The following LAMB1 variants were observed in gnomAD, a reference collection of about 807,000 sequenced individuals.
LAMB1 encodes the protein laminin subunit beta-1.
Under a neutral mutation model 222.3 loss-of-function variants are expected in LAMB1, and 121 were observed. The observed-to-expected ratio is 0.54, with a 90% CI of 0.47 to 0.63. The LOEUF (loss-of-function observed/expected upper bound fraction) is 0.63, where lower values mean the gene tolerates loss of function less well. Ranked by LOEUF, LAMB1 falls within the 30% of genes least tolerant of loss-of-function variation. The pLI, the probability that LAMB1 is intolerant of heterozygous loss-of-function variation, is 0.00. For synonymous variants in LAMB1, 794 were observed against 807.2 expected (o/e 0.98, Z 0.28); for missense variants, 2,172 against 2,240.8 (o/e 0.97, Z 0.62).
At chr7:107,961,751 A>G in intron 15 of LAMB1, 75 bp from the exon 16 acceptor site, 1 of 1,475,504 alleles carries the variant, frequency 6.8e-7, no homozygotes, top group South Asian at 1.2e-5. Context: ...CTCTGAATCA[A>G]TCAATTGCCA....
At chr7:108,002,337 T>A (rs2034407349) in intron 2 of LAMB1, 1 of 1,313,126 alleles carries the variant, frequency 7.6e-7, no homozygotes, top group Non-Finnish European at 1.0e-6. Context: ...GGCTCTGGAG[T>A]GGTTTCAAGG....
At chr7:107,992,005 T>C (rs2034193628) in intron 5 of LAMB1, among the ~76,000 whole-genome samples, 1 of 152,088 alleles carries the variant, frequency 6.6e-6, no homozygotes, top group Non-Finnish European at 1.5e-5. Context: ...GTCAATGTCC[T>C]TTGCATCTAA....
chr7:107,989,916 G>A (rs576596789), intron 5 of LAMB1, among the ~76,000 whole-genome samples: 4 of 152,240 alleles, frequency 2.6e-5, no homozygotes, highest in African/African-American at 7.2e-5. Context: ...TTTACCTAAC[G>A]AATAGAATCC....
chr7:107,934,033 G>A (rs935942863), intron 27 of LAMB1, among the ~76,000 whole-genome samples: 7 of 152,144 alleles, frequency 4.6e-5, no homozygotes, highest in African/African-American at 1.7e-4. Flanking sequence ...CAATGCTGAA[G>A]GGAAAGATGG....
At position 107,929,458 on chromosome 7, in the gene LAMB1, C is replaced by CAGCA; in HGVS notation, c.4695_4698dup (p.Asp1567CysfsTer2). 1 of 1,614,170 alleles carries CAGCA rather than the reference C, an allele frequency of 6.2e-7. No homozygotes were observed. The highest frequency in any genetic ancestry group is 8.5e-7 in the Non-Finnish European group (1 of 1,180,022). On this transcript the variant is annotated frameshift_variant, in exon 30 of 34. Transcript: ENST00000222399. LOFTEE classifies it high-confidence loss of function. ...AACAACATCTCAGCTCTGGCAATGT[C>CAGCA]AGCAGCACTATGCTGAAGAATAACC...
intron 5 of LAMB1, among the ~76,000 whole-genome samples, chr7:107,993,321 C>A (rs1049685498): frequency 2.0e-5 from 3 of 151,702 alleles, no homozygotes; most frequent in Admixed American, 6.6e-5. Context: ...TTCAGTAGAG[C>A]CGGGGTTTCA....
intron 14 of LAMB1, among the ~76,000 whole-genome samples, 178 bp from the exon 15 acceptor site, chr7:107,963,241 A>G (rs1468467839): frequency 2.6e-4 from 39 of 152,210 alleles, no homozygotes; most frequent in Admixed American, 2.6e-3. Context: ...CAAACAGGAA[A>G]CTGGTTTCTT....
At chr7:107,937,400 T>C (rs2032873552) in intron 25 of LAMB1, 123 bp from the exon 26 acceptor site, 1 of 719,746 alleles carries the variant, frequency 1.4e-6, no homozygotes, top group South Asian at 1.9e-5. Flanking sequence ...ATTTGTAACA[T>C]TTCATCCCTA....
chr7:107,929,879 A>G (rs1185521546), intron 29 of LAMB1: 2 of 517,572 alleles, frequency 3.9e-6, no homozygotes, highest in Non-Finnish European at 3.5e-6. Context: ...TTCGTGGAAG[A>G]TGAGGAGCTG....
At chr7:107,950,417 C>G (rs2116390063) in intron 24 of LAMB1, among the ~76,000 whole-genome samples, 1 of 152,202 alleles carries the variant, frequency 6.6e-6, no homozygotes, top group Middle Eastern at 3.4e-3. Flanking sequence ...CAGTCTTTTC[C>G]ATATTTTGAC....
chr7:108,002,266 C>T, intron 2 of LAMB1: 1 of 1,310,242 alleles, frequency 7.6e-7, no homozygotes, highest in Non-Finnish European at 1.0e-6. Context: ...GGGGACGAGG[C>T]GCCGGGGCTC....
At chr7:107,996,060 T>C (rs1354818858) in intron 4 of LAMB1, among the ~76,000 whole-genome samples, 1 of 152,178 alleles carries the variant, frequency 6.6e-6, no homozygotes, top group Admixed American at 6.5e-5. Flanking sequence ...AAAAGAACCA[T>C]ATTACAGAAC....
At chr7:107,953,837 GA>G in intron 21 of LAMB1, 83 bp from the exon 22 acceptor site, 1 of 1,204,250 alleles carries the variant, frequency 8.3e-7, no homozygotes, top group Non-Finnish European at 1.2e-6. Context: ...TGCCTAGAGA[GA>G]GCTGATCGTG....
At chr7:107,935,163 T>C (rs1296832622) in intron 27 of LAMB1, among the ~76,000 whole-genome samples, 4 of 151,806 alleles carry the variant, frequency 2.6e-5, no homozygotes, top group Admixed American at 6.6e-5. Flanking sequence ...GATTCATTCT[T>C]TAGTTGAGGA....
intron 7 of LAMB1, among the ~76,000 whole-genome samples, chr7:107,983,718 A>G (rs899715308): frequency 3.9e-5 from 6 of 151,938 alleles, no homozygotes; most frequent in Non-Finnish European, 7.4e-5. Context: ...GGGTTTCACC[A>G]TGTTGGTCAG....
At chr7:107,959,855 G>T in intron 18 of LAMB1, 21 bp from the exon 19 acceptor site, 1 of 1,608,200 alleles carries the variant, frequency 6.2e-7, no homozygotes, top group South Asian at 1.1e-5. Flanking sequence ...AGAGAGGCCA[G>T]AACCCATGAC....
At chr7:107,977,989 T>A (rs751452503) in intron 9 of LAMB1, 58 bp downstream of exon 9, 34 of 1,599,766 alleles carry the variant, frequency 2.1e-5, no homozygotes, top group South Asian at 7.7e-5. Context: ...TACCTCTAAT[T>A]AGGAAATGGA....
rs1466650422 is a variant in LAMB1, at chr7:107,935,579, G to T, written c.4024C>A (p.Pro1342Thr). 3.1e-6 allele frequency: 5 copies of T among 1,613,866 alleles called. No homozygotes were observed. The highest frequency in any genetic ancestry group is 4.2e-6 in the Non-Finnish European group (5 of 1,179,984). The part of the protein sequence containing the change: ...EERVNASTTE[P>T]NSTVEQSALM... ...GCTGACTGCTCCACAGTGCTGTTGGGTTCTGTGGTGGAGGCATTCACCCTC... is the reference window on the plus strand; with the variant it reads ...GCTGACTGCTCCACAGTGCTGTTGGTTTCTGTGGTGGAGGCATTCACCCTC... The change falls in exon 27 of 34, where the codon CCC (proline) becomes ACC (threonine). Residue 1342 changes from proline to threonine, a missense_variant. Transcript: ENST00000222399.
In LAMB1 at chr7:107,953,220, G is replaced by C. The variant is rs574889749; in HGVS notation, c.3079+310C>G. Among the ~76,000 whole-genome samples, 6 of 152,208 alleles carry C rather than the reference G, an allele frequency of 3.9e-5. No individual in the cohort carries two copies. The South Asian group carries it at 1.2e-3, about 32-fold the overall frequency. ...AAAAATACAAAAATTACCTGGGCATGGTGGGGGGTGCCTGCAATCCCACCT... is the reference window on the plus strand; with the variant it reads ...AAAAATACAAAAATTACCTGGGCATCGTGGGGGGTGCCTGCAATCCCACCT... On this transcript the variant is annotated intron_variant, in intron 22 of 33. Coordinates refer to ENST00000222399, the MANE Select transcript of LAMB1 (RefSeq NM_002291.3).
Sources: allele counts gnomAD v4.1 joint callset (sites outside exome capture counted in the v4.1 genomes callset), GRCh38; gene constraint gnomAD v4.1.1; transcripts MANE v1.5; gene names NCBI Gene and HGNC (gene_info 2026-07-23, HGNC 2026-07-21).